DAB1: variants seen among roughly 807,000 people sequenced by gnomAD.
DAB1 encodes disabled homolog 1.
A neutral mutation model predicts 64.6 loss-of-function variants in DAB1; 15 were observed. The ratio of observed to expected loss-of-function variants is 0.23; its 90% CI spans 0.16 to 0.36. The LOEUF is 0.36. DAB1 is among the 10% of genes least tolerant of loss of function. The pLI is 1.00. For synonymous variants in DAB1, 235 were observed against 251.9 expected, an observed-to-expected ratio of 0.93 and a Z score of 0.64; for missense variants, 596 against 706.7, an observed-to-expected ratio of 0.84 and a Z score of 1.78.
intron 6 of DAB1, among the ~76,000 whole-genome samples, chr1:57,814,435 T>C (rs1651761741): frequency 1.3e-5 from 2 of 152,206 alleles, no homozygotes; most frequent in African/African-American, 4.8e-5. Flanking sequence ...CTGAAATTTC[T>C]AGAAAAATAT....
intron 1 of DAB1, among the ~76,000 whole-genome samples, chr1:57,373,794 T>C (rs1327095012): frequency 3.3e-5 from 5 of 152,182 alleles, no homozygotes; most frequent in Admixed American, 1.3e-4. Flanking sequence ...TTCAAGAACA[T>C]AATCGCCGGG....
At chr1:58,465,802 C>G (rs1645290538) in intron 3 of DAB1, among the ~76,000 whole-genome samples, 1 of 152,116 alleles carries the variant, frequency 6.6e-6, no homozygotes. Flanking sequence ...CGTCATTATC[C>G]ACACTTACCC....
intron 6 of DAB1, among the ~76,000 whole-genome samples, chr1:57,815,345 G>A (rs879852142): frequency 1.3e-5 from 2 of 152,052 alleles, no homozygotes; most frequent in Non-Finnish European, 2.9e-5. Flanking sequence ...TGGGATTACA[G>A]GCATGAGACC....
At chr1:58,496,271 A>G (rs1645801095) in intron 3 of DAB1, among the ~76,000 whole-genome samples, 1 of 151,918 alleles carries the variant, frequency 6.6e-6, no homozygotes, top group Non-Finnish European at 1.5e-5. Flanking sequence ...TGCTCTTTAC[A>G]GCCTCCACCG....
chr1:57,744,066 T>A (rs1557455787), intron 6 of DAB1, among the ~76,000 whole-genome samples: 1 of 152,344 alleles, frequency 6.6e-6, no homozygotes, highest in East Asian at 1.9e-4. Context: ...AGCTTGGGCA[T>A]TAGGGCCATT....
At chr1:57,695,389 A>AAAGAAAGAAAGAAAAGAAAG in intron 6 of DAB1, among the ~76,000 whole-genome samples, 1 of 74,670 alleles carries the variant, frequency 1.3e-5, no homozygotes, top group South Asian at 4.3e-4. Context: ...AGAAAGAAAG[A>AAAGAAAGAAAGAAAAGAAAG]AAGAAAGAAA....
chr1:57,688,932 G>A (rs947547448), intron 6 of DAB1, among the ~76,000 whole-genome samples: 6 of 152,132 alleles, frequency 3.9e-5, no homozygotes, highest in Non-Finnish European at 8.8e-5. Flanking sequence ...AGGAAAGGAG[G>A]AAGGTGTGGG....
chr1:58,539,680 G>C (rs1245114075), intron 1 of DAB1, among the ~76,000 whole-genome samples: 3 of 152,292 alleles, frequency 2.0e-5, no homozygotes, highest in East Asian at 3.9e-4. Context: ...ATGTGATACA[G>C]AATAGTAAAA....
intron 5 of DAB1, among the ~76,000 whole-genome samples, chr1:58,060,537 T>C (rs554347285): frequency 6.6e-6 from 1 of 152,104 alleles, no homozygotes; most frequent in Non-Finnish European, 1.5e-5. Context: ...GGTAGATAAG[T>C]GGAAGGGTAA....
chr1:57,201,888 ATG>A (rs1280098863), intron 2 of DAB1, among the ~76,000 whole-genome samples: 2 of 152,172 alleles, frequency 1.3e-5, no homozygotes, highest in Admixed American at 6.5e-5. Flanking sequence ...AAATGCATGC[ATG>A]CATGCATGTA....
chr1:57,813,102 C>A lies in DAB1; in HGVS notation n.551+70897G>T, dbSNP rs151010192. ...ATCATATATATCATTATGTATTCTA[C>A]ACAAAGACATGCTTATATGCATCTA... is the stretch of plus-strand genomic sequence containing the variant. On this transcript the variant is annotated intron_variant and non_coding_transcript_variant, in intron 6 of 20. Transcript: ENST00000485760. 9.5e-3 allele frequency among the ~76,000 whole-genome samples: 1,442 copies of A among 152,272 alleles called. 21 individuals carry two copies. The highest frequency in any genetic ancestry group is 0.034 in the African/African-American group (1,396 of 41,544).
At chr1:57,998,389 CTTTTTTT>C (rs3991037) in intron 5 of DAB1, among the ~76,000 whole-genome samples, 4 of 128,800 alleles carry the variant, frequency 3.1e-5, no homozygotes, top group Non-Finnish European at 4.9e-5. Context: ...TTTTTTCTCT[CTTTTTTT>C]TTTTTTTTTT....
chr1:58,361,250 T>A (rs2100525763), intron 3 of DAB1, among the ~76,000 whole-genome samples: 1 of 152,270 alleles, frequency 6.6e-6, no homozygotes, highest in East Asian at 1.9e-4. Flanking sequence ...GAGGGCTCCA[T>A]GCTAGCACAT....
At chr1:57,710,656 G>T (rs1208334733) in intron 6 of DAB1, among the ~76,000 whole-genome samples, 1 of 151,854 alleles carries the variant, frequency 6.6e-6, no homozygotes, top group Non-Finnish European at 1.5e-5. Flanking sequence ...TTTTGGGGGG[G>T]GGAGGTTAAT....
At chr1:57,396,346 G>A (rs978091897) in intron 1 of DAB1, among the ~76,000 whole-genome samples, 31 of 152,288 alleles carry the variant, frequency 2.0e-4, no homozygotes, top group South Asian at 8.3e-4. Flanking sequence ...GTGTCAGATC[G>A]TCTGAATCCC....
chr1:57,540,380 C>T (rs1419376464), intron 7 of DAB1, among the ~76,000 whole-genome samples: 2 of 152,132 alleles, frequency 1.3e-5, no homozygotes, highest in African/African-American at 4.8e-5. Context: ...CTATGGAAAA[C>T]AGTACGGAGA....
chr1:58,280,145 A>G (rs1222130813), intron 4 of DAB1, among the ~76,000 whole-genome samples: 1 of 152,142 alleles, frequency 6.6e-6, no homozygotes, highest in Non-Finnish European at 1.5e-5. Context: ...TCCAGAGAGA[A>G]GAAACATCCT....
At chr1:57,102,220 G>A (rs1654743617) in intron 4 of DAB1, among the ~76,000 whole-genome samples, 1 of 151,356 alleles carries the variant, frequency 6.6e-6, no homozygotes, top group South Asian at 2.1e-4. Context: ...CTCTGTCTCA[G>A]TCTCTCTCTC....
intron 4 of DAB1, among the ~76,000 whole-genome samples, chr1:58,182,040 GT>G (rs1271380505): frequency 6.6e-6 from 1 of 151,938 alleles, no homozygotes; most frequent in Non-Finnish European, 1.5e-5. Context: ...GTGCAGAATA[GT>G]TTTGCTGGAA....
Sources: gnomAD v4.1 joint callset for allele counts (sites outside exome capture counted in the v4.1 genomes callset) on GRCh38, gnomAD v4.1.1 for gene constraint, MANE v1.5 for transcripts, NCBI Gene and HGNC (gene_info 2026-07-23, HGNC 2026-07-21) for gene names.